RIMS2: variants seen among roughly 807,000 people sequenced by gnomAD.
RIMS2 encodes the protein regulating synaptic membrane exocytosis 2.
Under a neutral mutation model 174.4 loss-of-function variants are expected in RIMS2, and 59 were observed. The observed-to-expected ratio is 0.34, with a 90% CI of 0.27 to 0.42. The LOEUF (loss-of-function observed/expected upper bound fraction) is 0.42, where lower values mean the gene tolerates loss of function less well. Among genes scored for constraint, RIMS2 ranks in the 10% least tolerant of loss-of-function variants. RIMS2 has a pLI of 1.00. For missense variants in RIMS2, 1,620 were observed against 1,666.3 expected, an observed-to-expected ratio of 0.97 and a Z score of 0.48; for synonymous variants, 606 against 572.5, an observed-to-expected ratio of 1.06 and a Z score of -0.84.
chr8:103,699,598 TTCTTTTCTTG>T (rs2097145995), intron 2 of RIMS2, among the ~76,000 whole-genome samples: 2 of 152,074 alleles, frequency 1.3e-5, no homozygotes, highest in South Asian at 2.1e-4. Flanking sequence ...CTTTTTTCGT[TTCTTTTCTTG>T]TCTTTTCTTT....
chr8:104,100,845 G>A (rs933940658), intron 19 of RIMS2, among the ~76,000 whole-genome samples: 24 of 135,046 alleles, frequency 1.8e-4, no homozygotes, highest in African/African-American at 6.2e-4. Flanking sequence ...TAATATATAT[G>A]TATTATATAT....
intron 14 of RIMS2, among the ~76,000 whole-genome samples, chr8:103,957,249 G>T (rs1412935896): frequency 6.6e-6 from 1 of 152,140 alleles, no homozygotes; most frequent in African/African-American, 2.4e-5. Flanking sequence ...CCCATTACTG[G>T]TTATATACCC....
At chr8:104,159,637 T>C (rs2098748529) in intron 19 of RIMS2, among the ~76,000 whole-genome samples, 1 of 152,146 alleles carries the variant, frequency 6.6e-6, no homozygotes, top group African/African-American at 2.4e-5. Flanking sequence ...ATGAGGGTGG[T>C]ATCTCATTGT....
intron 12 of RIMS2, among the ~76,000 whole-genome samples, chr8:103,935,217 C>T (rs1170862962): frequency 2.0e-5 from 3 of 152,202 alleles, no homozygotes; most frequent in African/African-American, 7.2e-5. Context: ...TTCCCATACA[C>T]ATTATCACTT....
intron 19 of RIMS2, among the ~76,000 whole-genome samples, chr8:104,130,698 T>G (rs1002837019): frequency 6.6e-5 from 10 of 152,102 alleles, no homozygotes; most frequent in African/African-American, 2.2e-4. Context: ...TATTTCAAAG[T>G]TTTTCTGTAT....
At chr8:104,234,319 A>G (rs2099247500) in intron 19 of RIMS2, among the ~76,000 whole-genome samples, 1 of 152,006 alleles carries the variant, frequency 6.6e-6, no homozygotes, top group African/African-American at 2.4e-5. Context: ...CTAACTTGAG[A>G]GTTACGAAGA....
chr8:103,551,213 A>G (rs1335813661), intron 1 of RIMS2, among the ~76,000 whole-genome samples: 1 of 152,212 alleles, frequency 6.6e-6, no homozygotes, highest in Non-Finnish European at 1.5e-5. Flanking sequence ...CAATACTGGC[A>G]AACTGAATCC....
chr8:104,094,667 G>A (rs1213032626), intron 19 of RIMS2: 2 of 700,524 alleles, frequency 2.9e-6, no homozygotes, highest in Non-Finnish European at 5.2e-6. Context: ...ACGAGCAAGG[G>A]AAAGAAAAAG....
At chr8:103,859,175 A>G (rs2099044902) in intron 3 of RIMS2, among the ~76,000 whole-genome samples, 2 of 152,140 alleles carry the variant, frequency 1.3e-5, no homozygotes, top group Admixed American at 6.6e-5. Flanking sequence ...ATTGGTCCCA[A>G]TACTTTTCTC....
exon 2 of RIMS2, chr8:103,697,213 G>A (rs2097114041): frequency 6.8e-6 from 11 of 1,613,830 alleles, no homozygotes; most frequent in Non-Finnish European, 9.3e-6. Context: ...AAAGTTTGCT[G>A]ATGGATGTGG....
chr8:103,736,365 A>G (rs182655655), intron 2 of RIMS2, among the ~76,000 whole-genome samples: 35 of 152,334 alleles, frequency 2.3e-4, no homozygotes, highest in African/African-American at 7.2e-4. Context: ...AGAACAGTAC[A>G]ACAATAAATA....
chr8:104,096,171 TAG>T (rs145627878), intron 19 of RIMS2, among the ~76,000 whole-genome samples: 3,093 of 152,108 alleles, frequency 0.02, 43 homozygotes, highest in Middle Eastern at 0.11. Flanking sequence ...GAAAGATACA[TAG>T]AGTTTCCTTT....
Position 103,931,244 on chromosome 8 carries a change from G to A in RIMS2, c.2245-19G>A, listed in dbSNP as rs763440106. 23 of 1,564,078 alleles carry A rather than the reference G, an allele frequency of 1.5e-5. No homozygotes were observed. The highest frequency in any genetic ancestry group is 2.3e-5 in the East Asian group (1 of 44,100). On this transcript the variant is annotated intron_variant, in intron 11 of 23. Transcript: ENST00000504942. ...GTAGTAAATGTTTGAATTGATAAATGAATATTTTTGCTTTTCAGATAAAAC... is the reference window on the plus strand; with the variant it reads ...GTAGTAAATGTTTGAATTGATAAATAAATATTTTTGCTTTTCAGATAAAAC...
intron 18 of RIMS2, 25 bp from the exon 21 acceptor site, chr8:104,014,481 A>G (rs1490376966): frequency 7.8e-7 from 1 of 1,286,158 alleles, no homozygotes; most frequent in Admixed American, 1.7e-5. Context: ...TATACTGAAA[A>G]TGAATATTAA....
At chr8:104,222,373 C>T (rs2099159437) in intron 19 of RIMS2, among the ~76,000 whole-genome samples, 1 of 152,116 alleles carries the variant, frequency 6.6e-6, no homozygotes, top group Non-Finnish European at 1.5e-5. Context: ...GTAACTTGTA[C>T]ATATATACTA....
In RIMS2 at chr8:104,112,409, T is replaced by C. The variant is rs532963439; in HGVS notation, c.3334+97794T>C. Reference sequence around the variant, plus strand: ...TATGTATATATTTATGTATAACATATGGCATTCCTATACTATATAGATATA... The same window carrying C: ...TATGTATATATTTATGTATAACATACGGCATTCCTATACTATATAGATATA... On this transcript the variant is annotated intron_variant, in intron 19 of 23. Transcript: ENST00000504942. Among the ~76,000 whole-genome samples, 52 of 152,194 alleles carry C rather than the reference T, an allele frequency of 3.4e-4. No individual in the cohort carries two copies. The Middle Eastern group carries it at 0.014, about 40-fold the overall frequency.
intron 4 of RIMS2, among the ~76,000 whole-genome samples, chr8:103,890,404 G>A (rs955454861): frequency 6.6e-6 from 1 of 152,052 alleles, no homozygotes; most frequent in East Asian, 1.9e-4. Flanking sequence ...ATTGGATCCA[G>A]TGGAAAATGT....
At chr8:103,817,857 A>G (rs1056319315) in intron 3 of RIMS2, among the ~76,000 whole-genome samples, 1 of 152,142 alleles carries the variant, frequency 6.6e-6, no homozygotes, top group Non-Finnish European at 1.5e-5. Context: ...GCATTAGCAC[A>G]TACAGTGTTT....
intron 3 of RIMS2, among the ~76,000 whole-genome samples, chr8:103,818,517 T>C (rs1396702716): frequency 6.6e-6 from 1 of 152,198 alleles, no homozygotes; most frequent in Non-Finnish European, 1.5e-5. Context: ...CATTTTCTTC[T>C]ACAAAATGCT....
Sources: gnomAD v4.1 joint callset for allele counts (sites outside exome capture counted in the v4.1 genomes callset) on GRCh38, gnomAD v4.1.1 for gene constraint, MANE v1.5 for transcripts, NCBI Gene and HGNC (gene_info 2026-07-23, HGNC 2026-07-21) for gene names.